NFIB: variants seen among roughly 807,000 people sequenced by gnomAD.
The protein encoded by NFIB is nuclear factor 1 B-type.
A neutral mutation model predicts 61.5 loss-of-function variants in NFIB; 11 were observed. That is an observed-to-expected ratio of 0.18 (90% CI 0.11 to 0.30). NFIB has a LOEUF of 0.30. NFIB is among the 10% of genes least tolerant of loss of function. The pLI, the probability that NFIB is intolerant of heterozygous loss-of-function variation, is 1.00. For synonymous variants in NFIB, 260 were observed against 216.5 expected (o/e 1.20, Z -1.76); for missense variants, 471 against 608.9 (o/e 0.77, Z 2.38).
At chr9:14,188,529 T>C (rs897320722) in intron 2 of NFIB, among the ~76,000 whole-genome samples, 5 of 152,220 alleles carry the variant, frequency 3.3e-5, no homozygotes, top group South Asian at 2.1e-4. Context: ...TTTATGAAGA[T>C]TGCATATTTG....
chr9:14,495,706 A>G, the NFIB span, among the ~76,000 whole-genome samples: 1 of 152,172 alleles, frequency 6.6e-6, no homozygotes, highest in Non-Finnish European at 1.5e-5. Context: ...TGTTAAAAAC[A>G]CAGATGGGAG....
Position 14,323,659 on chromosome 9 carries a change from G to A in NFIB, c.109-16139C>T, listed in dbSNP as rs1296030002. Reference sequence around the variant, plus strand: ...TACCAGTGAGACTAGAATAGCTCCCGATGAATTATTCTTATCTCTCTACTA... The same window carrying A: ...TACCAGTGAGACTAGAATAGCTCCCAATGAATTATTCTTATCTCTCTACTA... On this transcript the variant is annotated intron_variant, in intron 1 of 8. Transcript: ENST00000380934. 2.6e-5 allele frequency among the ~76,000 whole-genome samples: 4 copies of A among 152,172 alleles called. No individual in the cohort carries two copies. In the South Asian group the frequency reaches 8.3e-4, roughly 32 times the overall value.
chr9:14,367,912 G>A (rs1401077535), intron 1 of NFIB, among the ~76,000 whole-genome samples: 2 of 152,148 alleles, frequency 1.3e-5, no homozygotes, highest in South Asian at 2.1e-4. Flanking sequence ...ATAGCATTAG[G>A]AGAAATACCT....
At chr9:14,370,549 A>C (rs2061347234) in intron 1 of NFIB, among the ~76,000 whole-genome samples, 1 of 152,236 alleles carries the variant, frequency 6.6e-6, no homozygotes, top group Non-Finnish European at 1.5e-5. Context: ...ATTTGTGAAC[A>C]TATCTACTTT....
chr9:14,347,041 TGGCCCCC>T (rs1200265322), intron 1 of NFIB, among the ~76,000 whole-genome samples: 2 of 151,610 alleles, frequency 1.3e-5, no homozygotes, highest in Non-Finnish European at 2.9e-5. Flanking sequence ...AGGGAGCCCC[TGGCCCCC>T]ACTCGGGAGA....
chr9:14,129,563 T>C (rs1486071691), intron 6 of NFIB, among the ~76,000 whole-genome samples: 1 of 152,134 alleles, frequency 6.6e-6, no homozygotes, highest in East Asian at 1.9e-4. Context: ...GTCTACAGTC[T>C]AAAAGGCTTC....
At chr9:14,190,678 G>T (rs111500931) in intron 2 of NFIB, among the ~76,000 whole-genome samples, 3 of 152,178 alleles carry the variant, frequency 2.0e-5, no homozygotes, top group Admixed American at 6.5e-5. Flanking sequence ...AAACTGTGCA[G>T]GCAAAGAAAG....
intron 10 of NFIB, among the ~76,000 whole-genome samples, chr9:14,097,774 A>G (rs1194640587): frequency 3.9e-5 from 6 of 152,154 alleles, no homozygotes; most frequent in African/African-American, 7.2e-5. Context: ...TTATGAACAA[A>G]GCAAGGAAAA....
chr9:14,097,857 TTTC>T lies in NFIB; in HGVS notation c.1468-9534_1468-9532del, dbSNP rs1214018998. 2.1e-5 allele frequency among the ~76,000 whole-genome samples: 3 copies of T among 145,910 alleles called. No individual in the cohort carries two copies. The East Asian group carries it at 5.9e-4, about 29-fold the overall frequency. The stretch of plus-strand genomic sequence containing the variant: ...AGCTATTACCCCCCCACACTTTTTT[TTTC>T]TTTCTTTCTTTTTTCTTTTTTTTTT... On this transcript the variant is annotated intron_variant, in intron 10 of 10. Transcript: ENST00000380953.
intron 1 of NFIB, among the ~76,000 whole-genome samples, chr9:14,342,426 A>G (rs140716405): frequency 4.5e-4 from 68 of 151,794 alleles, no homozygotes; most frequent in African/African-American, 1.2e-3. Context: ...TGAAATGAGA[A>G]GGAAGGAAGG....
the NFIB span, among the ~76,000 whole-genome samples, chr9:14,502,600 A>G: frequency 6.6e-6 from 1 of 152,244 alleles, no homozygotes; most frequent in Non-Finnish European, 1.5e-5. Context: ...GATGATTAAC[A>G]AATGTTAACT....
intron 1 of NFIB, among the ~76,000 whole-genome samples, chr9:14,319,883 G>A (rs2060624105): frequency 6.6e-6 from 1 of 152,034 alleles, no homozygotes; most frequent in South Asian, 2.1e-4. Flanking sequence ...TAAAATTTAA[G>A]AAACAATTTT....
chr9:14,242,645 A>T (rs1263259267), intron 2 of NFIB, among the ~76,000 whole-genome samples: 2 of 152,238 alleles, frequency 1.3e-5, no homozygotes, highest in Non-Finnish European at 2.9e-5. Context: ...TGGCTTAAAG[A>T]TAAGTATTAT....
chr9:14,186,627 C>A (rs1351023428), intron 2 of NFIB, among the ~76,000 whole-genome samples: 1 of 151,856 alleles, frequency 6.6e-6, no homozygotes, highest in Non-Finnish European at 1.5e-5. Flanking sequence ...TTGGGCCAAA[C>A]CTTCTTCTCT....
chr9:14,164,088 A>T (rs1291285147), intron 3 of NFIB, among the ~76,000 whole-genome samples: 4 of 151,964 alleles, frequency 2.6e-5, no homozygotes, highest in Non-Finnish European at 5.9e-5. Flanking sequence ...GAAATTAAAC[A>T]TAAAAGCTGA....
intron 2 of NFIB, among the ~76,000 whole-genome samples, chr9:14,244,169 T>C (rs767220282): frequency 3.3e-5 from 5 of 152,216 alleles, no homozygotes; most frequent in East Asian, 1.9e-4. Context: ...CAACTCCACA[T>C]AGAAGCACTA....
chr9:14,151,697 G>C (rs866309159), intron 4 of NFIB, among the ~76,000 whole-genome samples: 3 of 152,088 alleles, frequency 2.0e-5, no homozygotes, highest in East Asian at 3.9e-4. Context: ...CAAAATCATA[G>C]GTAGAGATAA....
chr9:14,193,240 C>G (rs2048142420), intron 2 of NFIB, among the ~76,000 whole-genome samples: 1 of 151,792 alleles, frequency 6.6e-6, no homozygotes, highest in South Asian at 2.1e-4. Context: ...TTTATCATCT[C>G]CTAGTCTCTC....
intron 2 of NFIB, chr9:14,204,853 C>G: frequency 2.3e-6 from 1 of 440,230 alleles, no homozygotes; most frequent in East Asian, 4.7e-5. Context: ...CCACTGCTGC[C>G]TTCATACAGG....
Sources: allele counts gnomAD v4.1 joint callset (sites outside exome capture counted in the v4.1 genomes callset), GRCh38; gene constraint gnomAD v4.1.1; transcripts MANE v1.5; gene names NCBI Gene and HGNC (gene_info 2026-07-23, HGNC 2026-07-21).